POLD1: variants seen among roughly 807,000 people sequenced by gnomAD.
POLD1 encodes DNA polymerase delta catalytic subunit.
In POLD1, 79 loss-of-function variants were observed where a neutral mutation model predicts 129.7. The observed-to-expected ratio is 0.61, with a 90% CI of 0.51 to 0.73. The LOEUF is 0.73. POLD1 is among the 30% of genes least tolerant of loss of function. The pLI, the probability that POLD1 is intolerant of heterozygous loss-of-function variation, is 0.00. For synonymous variants in POLD1, 714 were observed against 683.3 expected, an observed-to-expected ratio of 1.04 and a Z score of -0.70; for missense variants, 1,338 against 1,595.8, an observed-to-expected ratio of 0.84 and a Z score of 2.75.
In POLD1 at chr19:50,406,050, T is replaced by C; in HGVS notation, c.1243-132T>C. On this transcript the variant is annotated intron_variant, in intron 10 of 26. Coordinates refer to ENST00000440232, the MANE Select transcript of POLD1 (RefSeq NM_002691.4). The surrounding 1 kb of genome is among the most constrained non-coding windows in gnomAD (Gnocchi z 5.5). Reference sequence around the variant, plus strand: ...CACCCACACCCAGCCCCAGACCGTCTTTCTGCCCCCAGGGTTGCTCTCGAC... The same window carrying C: ...CACCCACACCCAGCCCCAGACCGTCCTTCTGCCCCCAGGGTTGCTCTCGAC... 2 of 1,071,048 alleles carry C rather than the reference T, an allele frequency of 1.9e-6. No homozygotes were observed. The highest frequency in any genetic ancestry group is 2.7e-6 in the Non-Finnish European group (2 of 731,000). 66.3% of individuals were successfully genotyped at this position (1,071,048 alleles called of 1,614,324 possible).
intron 3 of POLD1, among the ~76,000 whole-genome samples, chr19:50,400,407 G>T (rs1345723502): frequency 6.7e-6 from 1 of 149,880 alleles, no homozygotes; most frequent in Non-Finnish European, 1.5e-5. Flanking sequence ...TTTTAGTAGA[G>T]ACAGGGTTTC....
chr19:50,389,268 T>C (rs902859156), intron 1 of POLD1, among the ~76,000 whole-genome samples: 1 of 151,964 alleles, frequency 6.6e-6, no homozygotes, highest in Non-Finnish European at 1.5e-5. Context: ...ACTAAAGGTG[T>C]GTGCCACCAC....
Position 50,400,522 on chromosome 19 carries a change from A to ACT in POLD1, c.316+1038_316+1039insCT, listed in dbSNP as rs2038556923. ...AGGAGTGAGTAACTGTGCCCCGCCT[A>ACT]TTTTTTTTTTTTTTTTTTTTTTTTT... is the stretch of plus-strand genomic sequence containing the variant. On this transcript the variant is annotated intron_variant, in intron 3 of 26. Coordinates refer to ENST00000440232, the MANE Select transcript of POLD1 (RefSeq NM_002691.4). 7.9e-5 allele frequency among the ~76,000 whole-genome samples: 5 copies of ACT among 63,522 alleles called. No homozygotes were observed. In the South Asian group the frequency reaches 2.9e-3, roughly 37 times the overall value. The allele number at this position is 63,522 out of a possible 152,430, so 41.7% of individuals were successfully genotyped here.
chr19:50,413,976 G>A (rs2122455110), intron 19 of POLD1, 97 bp downstream of exon 19: 17 of 1,288,308 alleles, frequency 1.3e-5, no homozygotes, highest in Non-Finnish European at 1.8e-5. Context: ...AGTGTGAAGG[G>A]ATGTTGCTGC....
intron 13 of POLD1, 45 bp downstream of exon 13, chr19:50,407,219 C>A: frequency 6.4e-7 from 1 of 1,565,758 alleles, no homozygotes; most frequent in East Asian, 2.3e-5. Flanking sequence ...CCAGGCACGT[C>A]TGTGGCCCCC....
intron 1 of POLD1, among the ~76,000 whole-genome samples, chr19:50,389,094 G>C: frequency 6.6e-6 from 1 of 150,678 alleles, no homozygotes; most frequent in Admixed American, 6.6e-5. Context: ...GCCTCCCAGA[G>C]TGCTGGGATT....
In POLD1 at chr19:50,403,593, T is replaced by A; in HGVS notation, c.1238T>A (p.Leu413His). ...TACCTCATCTCTCGGGCCCAGACCC[T>A]CAAGGTGAGGGCTGGGCAGGTGGGA... ...LPYLISRAQT[L>H]KVQTFPFLGR... Residue 413 changes from leucine (L) to histidine (H), a missense_variant, in exon 10 of 27, where the codon CTC (leucine) becomes CAC (histidine). Physicochemically the swap from Leu to His is moderately conservative, Grantham distance 99. This residue lies in a region of POLD1 where 720 missense variants were observed against 1,002.6 expected (regional missense o/e 0.72). Coordinates refer to ENST00000440232, the MANE Select transcript of POLD1 (RefSeq NM_002691.4). 1 of 1,600,798 alleles carries A rather than the reference T, an allele frequency of 6.2e-7. No homozygotes were observed. Among genetic ancestry groups the A allele is most frequent in the South Asian group, 1.1e-5 (1 of 90,794 alleles).
At chr19:50,412,233 A>T (rs534262127) in intron 17 of POLD1, among the ~76,000 whole-genome samples, 1 of 151,630 alleles carries the variant, frequency 6.6e-6, no homozygotes, top group South Asian at 2.1e-4. Flanking sequence ...GCTCACTGCG[A>T]CCTCTCCCTC....
rs1440545550 is a variant in POLD1, at chr19:50,389,629, C to CA, written c.-2+5240dup. Among the ~76,000 whole-genome samples the CA allele has an allele frequency of 8.6e-5, 13 of 151,822 alleles. No homozygotes were observed. The South Asian group carries it at 2.7e-3, about 32-fold the overall frequency. On this transcript the variant is annotated intron_variant, in intron 1 of 26. Transcript: ENST00000440232. ...CAAGACTGAGTCTTGCTCTATCGCC[C>CA]AGGCTGGAGTGCAGTGGCACTATCT...
Position 50,402,430 on chromosome 19 carries a change from C to T in POLD1, c.759-24C>T, listed in dbSNP as rs754554273. The T allele has an allele frequency of 3.7e-6, 6 of 1,612,510 alleles. No individual in the cohort carries two copies. In the African/African-American group the frequency reaches 6.7e-5, roughly 18 times the overall value. ...ATCCCCACCCTCGGGCAGCCCCTGT[C>T]CACTGACCCCCAGCCCCCTCCAGGT... On this transcript the variant is annotated intron_variant, in intron 6 of 26. Transcript: ENST00000440232.
rs367945387 is a variant in POLD1, at chr19:50,415,604, C to T, written c.2717+14C>T. On this transcript the variant is annotated intron_variant, in intron 21 of 26. Transcript: ENST00000440232. The stretch of plus-strand genomic sequence containing the variant: ...GCTGGCCGAGAGGTCCTGCGCGGGG[C>T]GGGTGGCCTGGCCAGAAATAACCCC... 107 of 1,607,532 alleles carry T rather than the reference C, an allele frequency of 6.7e-5. 3 individuals are homozygous for T. The highest frequency in any genetic ancestry group is 4.4e-5 in the South Asian group (4 of 90,754).
At chr19:50,399,143 G>T in intron 2 of POLD1, 90 bp downstream of exon 2, 1 of 1,540,904 alleles carries the variant, frequency 6.5e-7, no homozygotes, top group South Asian at 1.2e-5. Context: ...GCTGACCTGT[G>T]ACCCCACTCT....
rs2122448270 is a variant in POLD1, at chr19:50,413,793, G to A, written c.2302G>A (p.Val768Met). The A allele has an allele frequency of 6.2e-7, 1 of 1,612,428 alleles. No individual in the cohort carries two copies. The highest frequency in any genetic ancestry group is 8.5e-7 in the Non-Finnish European group (1 of 1,179,748). The change falls in exon 19 of 27, where the codon GTG (valine) becomes ATG (methionine). Residue 768 changes from valine to methionine, a missense_variant. Val to Met is a conservative substitution (Grantham distance 21, BLOSUM62 1). This residue lies in a region of POLD1 where 720 missense variants were observed against 1,002.6 expected (regional missense o/e 0.72). Transcript: ENST00000440232. ...SVMCRFGVSS[V>M]AEAMALGREA... The stretch of plus-strand genomic sequence containing the variant: ...CATGTGCCGATTCGGCGTGTCCTCG[G>A]TGGCTGAGGCGATGGCCCTGGGGCG...
intron 18 of POLD1, 24 bp from the exon 19 acceptor site, chr19:50,413,716 CAT>C: frequency 6.3e-7 from 1 of 1,580,954 alleles, no homozygotes; most frequent in Non-Finnish European, 8.6e-7. Context: ...CTGCTTCTCA[CAT>C]ACACACATCC....
At chr19:50,394,707 C>T (rs192361315) in intron 1 of POLD1, among the ~76,000 whole-genome samples, 93 of 152,088 alleles carry the variant, frequency 6.1e-4, no homozygotes, top group Middle Eastern at 6.8e-3. Flanking sequence ...ATGGGGCAAC[C>T]GTTATGAGAT....
intron 1 of POLD1, among the ~76,000 whole-genome samples, chr19:50,397,056 A>C (rs2038394608): frequency 1.5e-5 from 2 of 134,738 alleles, no homozygotes; most frequent in East Asian, 2.3e-4. Context: ...GCACCACTGC[A>C]CTCCAGCCTG....
chr19:50,415,917 C>T (rs1442162301), intron 22 of POLD1, 91 bp downstream of exon 22: 1 of 1,007,026 alleles, frequency 9.9e-7, no homozygotes, highest in Non-Finnish European at 1.4e-6. Context: ...AGGGTGGGGC[C>T]TCCCGTGCCC....
chr19:50,403,738 C>G (rs2038758776), intron 10 of POLD1, 141 bp downstream of exon 10: 1 of 671,194 alleles, frequency 1.5e-6, no homozygotes, highest in Middle Eastern at 2.7e-4. Flanking sequence ...CAGGGGCAGC[C>G]TAGGCCTGGT....
intron 1 of POLD1, among the ~76,000 whole-genome samples, chr19:50,389,184 G>A (rs990435907): frequency 3.3e-5 from 5 of 149,904 alleles, no homozygotes; most frequent in African/African-American, 1.2e-4. Flanking sequence ...TTGTAGTGCA[G>A]TGGGGTGGTC....
Sources: gnomAD v4.1 joint callset for allele counts (sites outside exome capture counted in the v4.1 genomes callset) on GRCh38, gnomAD v4.1.1 for gene constraint, gnomAD v4.1.1 regional missense constraint, Gnocchi (gnomAD v3.1) non-coding constraint, MANE v1.5 for transcripts, NCBI Gene and HGNC (gene_info 2026-07-23, HGNC 2026-07-21) for gene names.